Variants in SGCZ observed in about 807,000 individuals in gnomAD.
SGCZ encodes the protein zeta-sarcoglycan.
Under a neutral mutation model 41.3 loss-of-function variants are expected in SGCZ, and 40 were observed. That is an observed-to-expected ratio of 0.97 (90% CI 0.75 to 1.26). The LOEUF (loss-of-function observed/expected upper bound fraction) is 1.26, where lower values mean the gene tolerates loss of function less well. SGCZ is among the 50% of genes most tolerant of loss of function. The pLI, the probability that SGCZ is intolerant of heterozygous loss-of-function variation, is 0.00. For missense variants in SGCZ, 552 were observed against 369.8 expected (o/e 1.49, Z -4.04); for synonymous variants, 206 against 137.5 (o/e 1.50, Z -3.49).
At chr8:14,254,724 A>G (rs1799402017) in intron 3 of SGCZ, among the ~76,000 whole-genome samples, 1 of 151,060 alleles carries the variant, frequency 6.6e-6, no homozygotes. Flanking sequence ...TTACCATTTT[A>G]GAATGTGAAA....
intron 1 of SGCZ, among the ~76,000 whole-genome samples, chr8:14,786,232 C>A (rs574013773): frequency 2.0e-5 from 3 of 152,014 alleles, no homozygotes; most frequent in African/African-American, 7.3e-5. Flanking sequence ...GGTCTTTGGT[C>A]AGAATCATTT....
chr8:14,285,942 A>T (rs989602922), intron 3 of SGCZ, among the ~76,000 whole-genome samples: 1 of 152,182 alleles, frequency 6.6e-6, no homozygotes, highest in African/African-American at 2.4e-5. Context: ...GCTGTAGGAA[A>T]CACATATGTT....
intron 1 of SGCZ, among the ~76,000 whole-genome samples, chr8:15,134,205 T>C (rs540174456): frequency 5.3e-5 from 8 of 152,198 alleles, no homozygotes; most frequent in Non-Finnish European, 1.2e-4. Flanking sequence ...ACAAAAATCA[T>C]TATCATACCA....
intron 2 of SGCZ, among the ~76,000 whole-genome samples, chr8:14,545,252 C>A (rs1803589294): frequency 6.6e-6 from 1 of 151,830 alleles, no homozygotes; most frequent in African/African-American, 2.4e-5. Flanking sequence ...GATGAGTTTA[C>A]CAACTGGCAA....
chr8:14,917,903 G>A (rs746947668), intron 1 of SGCZ, among the ~76,000 whole-genome samples: 1 of 152,078 alleles, frequency 6.6e-6, no homozygotes, highest in Non-Finnish European at 1.5e-5. Flanking sequence ...CTTTCAGACT[G>A]TTTTCAGTTA....
intron 2 of SGCZ, among the ~76,000 whole-genome samples, chr8:14,390,896 T>C (rs1002252363): frequency 4.6e-5 from 7 of 152,104 alleles, no homozygotes; most frequent in Non-Finnish European, 1.0e-4. Context: ...TGTCCAACTT[T>C]GACACCACTC....
At chr8:14,554,693 A>C in intron 2 of SGCZ, 39 bp downstream of exon 2, 1 of 1,551,072 alleles carries the variant, frequency 6.4e-7, no homozygotes, top group Non-Finnish European at 8.8e-7. Context: ...TTGTCTCTGA[A>C]CCAAGAGCAA....
At chr8:14,332,770 T>C (rs924318974) in intron 2 of SGCZ, 3 of 151,538 alleles carry the variant, frequency 2.0e-5, no homozygotes, top group Non-Finnish European at 4.4e-5. Flanking sequence ...TATATTTAAA[T>C]TATAAAATTT....
chr8:14,465,822 A>T (rs773329119), intron 2 of SGCZ, among the ~76,000 whole-genome samples: 8 of 151,868 alleles, frequency 5.3e-5, no homozygotes, highest in Non-Finnish European at 1.2e-4. Context: ...ACACAGAATT[A>T]TATCTCTATA....
chr8:15,009,810 C>A (rs1008922055), intron 1 of SGCZ, among the ~76,000 whole-genome samples: 1 of 152,018 alleles, frequency 6.6e-6, no homozygotes, highest in Non-Finnish European at 1.5e-5. Flanking sequence ...TATGGATAAG[C>A]CTCTGTCCAT....
chr8:14,452,705 A>G (rs1315993813), intron 2 of SGCZ, among the ~76,000 whole-genome samples: 1 of 152,132 alleles, frequency 6.6e-6, no homozygotes, highest in Non-Finnish European at 1.5e-5. Context: ...GATAGGGTGT[A>G]TATTGGAACT....
chr8:14,485,351 C>A (rs1476326923), intron 2 of SGCZ, among the ~76,000 whole-genome samples: 1 of 152,202 alleles, frequency 6.6e-6, no homozygotes. Flanking sequence ...ATTCTCCCGC[C>A]TCAGCCTCCC....
intron 1 of SGCZ, among the ~76,000 whole-genome samples, chr8:14,979,952 C>A (rs1801606948): frequency 6.6e-6 from 1 of 152,088 alleles, no homozygotes; most frequent in Non-Finnish European, 1.5e-5. Flanking sequence ...ATTTGTACAA[C>A]CTTGTTAAAT....
chr8:14,105,712 A>G (rs1419919343), intron 6 of SGCZ, among the ~76,000 whole-genome samples: 1 of 152,130 alleles, frequency 6.6e-6, no homozygotes, highest in Non-Finnish European at 1.5e-5. Context: ...TTACATAATG[A>G]TGAATAATTA....
At chr8:14,212,467 C>CAAAAAAAAAAAAAAAA (rs33947419) in intron 4 of SGCZ, among the ~76,000 whole-genome samples, 25 of 97,908 alleles carry the variant, frequency 2.6e-4, no homozygotes, top group South Asian at 3.3e-4. Context: ...ATGCAAAAGA[C>CAAAAAAAAAAAAAAAA]AAAAAAAAAA....
intron 2 of SGCZ, among the ~76,000 whole-genome samples, chr8:14,353,250 A>C (rs928264468): frequency 1.9e-4 from 29 of 152,120 alleles, no homozygotes; most frequent in Non-Finnish European, 2.9e-5. Context: ...TTACTAGTAG[A>C]TAGAAACTAA....
At chr8:14,818,988 T>G (rs1441372444) in intron 1 of SGCZ, among the ~76,000 whole-genome samples, 3 of 152,090 alleles carry the variant, frequency 2.0e-5, no homozygotes, top group Non-Finnish European at 4.4e-5. Flanking sequence ...AGTCATCTAA[T>G]GAAATAATTT....
intron 1 of SGCZ, among the ~76,000 whole-genome samples, chr8:15,169,247 T>C (rs545821007): frequency 6.6e-6 from 1 of 152,174 alleles, no homozygotes; most frequent in Non-Finnish European, 1.5e-5. Context: ...TTAGATGTAC[T>C]TCTTTAAAGG....
At chr8:14,309,646 C>G in intron 3 of SGCZ, 2 of 1,610,648 alleles carry the variant, frequency 1.2e-6, no homozygotes, top group South Asian at 2.2e-5. Flanking sequence ...AAGAGCGGCT[C>G]CACCACTAAA....
Sources: allele counts gnomAD v4.1 joint callset (sites outside exome capture counted in the v4.1 genomes callset), GRCh38; gene constraint gnomAD v4.1.1; transcripts MANE v1.5; gene names NCBI Gene and HGNC (gene_info 2026-07-23, HGNC 2026-07-21).